Variants in GALNT14 observed in about 807,000 individuals in gnomAD.
The protein encoded by GALNT14 is UDP-GalNAc:polypeptide N-acetylgalactosaminyltransferase 14.
GALNT14 carries 60 observed loss-of-function variants against 77.5 expected under a neutral mutation model. The ratio of observed to expected loss-of-function variants is 0.77; its 90% confidence interval spans 0.63 to 0.96. The LOEUF is 0.96. Among genes scored for constraint, GALNT14 ranks in the 40% least tolerant of loss-of-function variants. GALNT14 has a pLI of 0.00. For missense variants in GALNT14, 710 were observed against 731.0 expected, an observed-to-expected ratio of 0.97 and a Z score of 0.33; for synonymous variants, 280 against 281.7, an observed-to-expected ratio of 0.99 and a Z score of 0.06.
intron 6 of GALNT14, among the ~76,000 whole-genome samples, chr2:30,953,111 G>T (rs12621768): frequency 6.6e-6 from 1 of 151,776 alleles, no homozygotes; most frequent in South Asian, 2.1e-4. Flanking sequence ...AACATACTCC[G>T]GTTTCCTTTT....
rs59691584 is a variant in GALNT14, at chr2:30,982,325, C to T, written c.299+10513G>A. The stretch of plus-strand genomic sequence containing the variant: ...CAGAAGCTTCTAGGGGTACACCCTA[C>T]AGAAACACATATGCCTGTTCACCAA... On this transcript the variant is annotated intron_variant, in intron 2 of 14. Coordinates refer to ENST00000349752, the MANE Select transcript of GALNT14 (RefSeq NM_024572.4). Among the ~76,000 whole-genome samples the T allele has an allele frequency of 1.6e-3, 240 of 152,286 alleles. 4 individuals are homozygous for T. Among genetic ancestry groups the T allele is most frequent in the African/African-American group, 5.5e-3 (230 of 41,548 alleles).
intron 1 of GALNT14, among the ~76,000 whole-genome samples, chr2:31,049,377 T>C (rs945924829): frequency 6.6e-6 from 1 of 152,184 alleles, no homozygotes; most frequent in Non-Finnish European, 1.5e-5. Flanking sequence ...CAGTCCAGTG[T>C]TCAGGGCTCC....
At chr2:30,972,146 T>C (rs1335268902) in intron 2 of GALNT14, among the ~76,000 whole-genome samples, 1 of 152,196 alleles carries the variant, frequency 6.6e-6, no homozygotes, top group Non-Finnish European at 1.5e-5. Context: ...GCATACCCAC[T>C]AACTCTGAAG....
At chr2:31,017,515 G>A (rs1671448394) in intron 1 of GALNT14, among the ~76,000 whole-genome samples, 1 of 152,194 alleles carries the variant, frequency 6.6e-6, no homozygotes, top group African/African-American at 2.4e-5. Flanking sequence ...TTCTTAGATA[G>A]ATTAATGAAG....
At chr2:31,100,214 G>C (rs1677196951) in intron 1 of GALNT14, among the ~76,000 whole-genome samples, 1 of 151,970 alleles carries the variant, frequency 6.6e-6, no homozygotes, top group African/African-American at 2.4e-5. Flanking sequence ...TAAGCACAAT[G>C]ATGTACAATA....
chr2:30,900,052 A>C, the GALNT14 span, among the ~76,000 whole-genome samples: 1 of 152,332 alleles, frequency 6.6e-6, no homozygotes, highest in South Asian at 2.1e-4. Context: ...AACCAAGTCC[A>C]CTTAACTCTA....
chr2:31,125,131 C>A (rs1455776265), intron 1 of GALNT14: 1 of 1,516,336 alleles, frequency 6.6e-7, no homozygotes, highest in African/African-American at 1.4e-5. Context: ...CCTCACACTC[C>A]TGGGGACACA....
chr2:31,123,181 C>A (rs866383015), intron 1 of GALNT14, among the ~76,000 whole-genome samples: 477 of 96,546 alleles, frequency 4.9e-3, no homozygotes, highest in Middle Eastern at 6.3e-3. Context: ...GACTCCATCT[C>A]AAAAAAAAAA....
chr2:30,947,074 G>A (rs1037108129), intron 6 of GALNT14, among the ~76,000 whole-genome samples: 2 of 152,130 alleles, frequency 1.3e-5, no homozygotes, highest in Admixed American at 6.5e-5. Context: ...AAATCCTGCT[G>A]GTTCTAACTC....
chr2:31,088,441 T>C (rs1023004221), intron 1 of GALNT14, among the ~76,000 whole-genome samples: 1 of 152,182 alleles, frequency 6.6e-6, no homozygotes, highest in African/African-American at 2.4e-5. Flanking sequence ...TGTGCTTGCC[T>C]GATTGGGCTT....
chr2:31,047,224 C>G (rs563229419), intron 1 of GALNT14, among the ~76,000 whole-genome samples: 1 of 152,320 alleles, frequency 6.6e-6, no homozygotes, highest in Non-Finnish European at 1.5e-5. Flanking sequence ...GCCCTGCCCC[C>G]ATTCCCAATC....
chr2:30,983,377 G>C (rs971236443), intron 2 of GALNT14, among the ~76,000 whole-genome samples: 3 of 152,064 alleles, frequency 2.0e-5, no homozygotes, highest in African/African-American at 7.2e-5. Flanking sequence ...ATAATTTGTT[G>C]AATGAATTAT....
chr2:30,924,032 T>G, intron 13 of GALNT14, 87 bp downstream of exon 13: 4 of 1,447,624 alleles, frequency 2.8e-6, no homozygotes, highest in South Asian at 1.2e-5. Flanking sequence ...TCTGATGTCA[T>G]GTAAGAGCAG....
chr2:31,077,269 T>C (rs1675862692), intron 1 of GALNT14, among the ~76,000 whole-genome samples: 1 of 152,178 alleles, frequency 6.6e-6, no homozygotes, highest in South Asian at 2.1e-4. Context: ...TAAAGGATCT[T>C]GTCTTAATTA....
intron 1 of GALNT14, among the ~76,000 whole-genome samples, chr2:31,042,698 C>T (rs918790351): frequency 6.6e-6 from 1 of 152,172 alleles, no homozygotes; most frequent in African/African-American, 2.4e-5. Context: ...ATCAGGAAAT[C>T]GCACTGGTTC....
At chr2:30,909,697 A>G (rs1310064732), downstream of GALNT14, among the ~76,000 whole-genome samples, 1 of 152,006 alleles carries the variant, frequency 6.6e-6, no homozygotes, top group Non-Finnish European at 1.5e-5. Context: ...TGACCCAGCC[A>G]TCCCATTACT....
intron 2 of GALNT14, among the ~76,000 whole-genome samples, chr2:30,988,355 A>G (rs1172979601): frequency 6.6e-6 from 1 of 152,184 alleles, no homozygotes; most frequent in Non-Finnish European, 1.5e-5. Flanking sequence ...AGGAACCAGA[A>G]GTCCAGAGTG....
rs180767881 is a variant in GALNT14 at position 31,053,657 on chromosome 2, C to G, written c.130-60650G>C. On this transcript the variant is annotated intron_variant, in intron 1 of 14. Coordinates refer to ENST00000349752, the MANE Select transcript of GALNT14 (RefSeq NM_024572.4). ...GAATCCCAGGATGGTCCTGCCGCCA[C>G]TAAAAAGCAGTTGCCTGCTTCCATT... 2.8e-3 allele frequency among the ~76,000 whole-genome samples: 420 copies of G among 152,282 alleles called. 1 individual carries two copies. The highest frequency in any genetic ancestry group is 4.1e-3 in the Non-Finnish European group (276 of 68,034).
chr2:31,023,056 G>C (rs898181305), intron 1 of GALNT14, among the ~76,000 whole-genome samples: 33 of 152,176 alleles, frequency 2.2e-4, no homozygotes, highest in African/African-American at 7.7e-4. Flanking sequence ...ATTTGAGAGA[G>C]GCCTTGAAGA....
Sources: allele counts gnomAD v4.1 joint callset (sites outside exome capture counted in the v4.1 genomes callset), GRCh38; gene constraint gnomAD v4.1.1; transcripts MANE v1.5; gene names NCBI Gene and HGNC (gene_info 2026-07-23, HGNC 2026-07-21).